The following ZNF514 variants were observed in gnomAD, a reference collection of about 807,000 sequenced individuals.
The protein encoded by ZNF514 is zinc finger protein 514.
A neutral mutation model predicts 9.7 loss-of-function variants in ZNF514; 12 were observed. The observed-to-expected ratio is 1.24, with a 90% CI of 0.79 to 2.01. ZNF514 has a LOEUF of 2.01. Among genes scored for constraint, ZNF514 ranks in the 30% most tolerant of loss-of-function variants. The probability of loss-of-function intolerance (pLI) is 0.00; values close to 1 mark genes in which losing one functional copy is unlikely to be tolerated. For synonymous variants in ZNF514, 158 were observed against 163.7 expected, an observed-to-expected ratio of 0.97 and a Z score of 0.27; for missense variants, 467 against 465.5, an observed-to-expected ratio of 1.00 and a Z score of -0.03.
At chr2:95,153,511 T>C (rs1357514164) in intron 2 of ZNF514, 3 of 305,718 alleles carry the variant, frequency 9.8e-6, no homozygotes, top group African/African-American at 6.4e-5. Flanking sequence ...AGTTTTCTAA[T>C]AAAGTATTTT....
rs34282100 is a variant in ZNF514, at chr2:95,150,272, TAA to T, written c.218-7_218-6del. 7.5e-3 allele frequency: 9,897 copies of T among 1,317,952 alleles called. No homozygotes were observed. The highest frequency in any genetic ancestry group is 0.016 in the South Asian group (933 of 58,660). 81.6% of individuals were successfully genotyped at this position (1,317,952 alleles called of 1,614,324 possible). On this transcript the variant is annotated splice_region_variant and splice_polypyrimidine_tract_variant and intron_variant, in intron 4 of 4. Transcript: ENST00000295208. ...ATTTAGACCTTCTCTTCCAGTCTGT[TAA>T]AAAAAAAAAAAAAAAAAGAAGACAT...
chr2:95,159,280 AGCTC>A lies in ZNF514; in HGVS notation c.-140_-137del. The A allele has an allele frequency of 6.2e-6, 1 of 161,128 alleles. No individual in the cohort carries two copies. The highest frequency in any genetic ancestry group is 1.4e-5 in the Non-Finnish European group (1 of 73,992). The allele number at this position is 161,128 out of a possible 1,614,324, so 10.0% of individuals were successfully genotyped here. A position where few individuals can be genotyped will look rare whatever the true frequency, so the allele number is the denominator to read the frequency against. ...TCCTCAGGACCAGGCTCTGGAACCC[AGCTC>A]CCACGTGGATCCACACGCACAGTGG... On this transcript the variant is annotated 5_prime_UTR_variant, in exon 1 of 5. Transcript: ENST00000295208.
chr2:95,158,523 C>T (rs1485162173), intron 1 of ZNF514, among the ~76,000 whole-genome samples: 1 of 152,202 alleles, frequency 6.6e-6, no homozygotes, highest in Admixed American at 6.5e-5. Context: ...CACTGCTGAC[C>T]TTATACACCG....
chr2:95,128,088 A>C, the ZNF514 span, among the ~76,000 whole-genome samples: 1 of 152,100 alleles, frequency 6.6e-6, no homozygotes, highest in African/African-American at 2.4e-5. Context: ...CCTCTACAAA[A>C]AGTTTTTAAA....
At position 95,150,114 on chromosome 2, in the gene ZNF514, T is replaced by G. The variant is rs771606629; in HGVS notation, c.371A>C (p.Glu124Ala). 3.7e-6 allele frequency: 6 copies of G among 1,612,284 alleles called. No homozygotes were observed. The highest frequency in any genetic ancestry group is 5.1e-6 in the Non-Finnish European group (6 of 1,180,004). ...KAACGCDGQLEMQQIKQERHL... is the reference protein window; with the variant it reads ...KAACGCDGQLAMQQIKQERHL... The stretch of plus-strand genomic sequence containing the variant: ...TCTCTCCTGTTTTATCTGCTGCATC[T>G]CTAACTGGCCATCACAACCGCAGGC... The change falls in exon 5 of 5, where the codon GAG (glutamate) becomes GCG (alanine). Residue 124 changes from glutamate to alanine, a missense_variant. By Grantham distance (107) the Glu-to-Ala change is moderately radical. Coordinates refer to ENST00000295208, the MANE Select transcript of ZNF514 (RefSeq NM_032788.3).
chr2:95,140,188 C>T (rs755839025), downstream of ZNF514, among the ~76,000 whole-genome samples: 2 of 152,046 alleles, frequency 1.3e-5, no homozygotes, highest in Non-Finnish European at 2.9e-5. Context: ...ATGTAAATGA[C>T]GAGTTGATGG....
intron 4 of ZNF514, among the ~76,000 whole-genome samples, chr2:95,152,287 G>GTT (rs1312670808): frequency 6.6e-6 from 1 of 151,978 alleles, no homozygotes; most frequent in African/African-American, 2.4e-5. Flanking sequence ...GTCCTTGCCT[G>GTT]TAACCCCTTC....
intron 3 of ZNF514, 118 bp downstream of exon 3, chr2:95,153,015 A>G: frequency 7.4e-7 from 1 of 1,355,084 alleles, no homozygotes; most frequent in Non-Finnish European, 1.0e-6. Flanking sequence ...GTCTGATTCC[A>G]GACTTCCCAA....
At position 95,149,773 on chromosome 2, in the gene ZNF514, C is replaced by T. The variant is rs775897508; in HGVS notation, c.712G>A (p.Gly238Arg). 1 of 1,614,220 alleles carries T rather than the reference C, an allele frequency of 6.2e-7. No homozygotes were observed. Among genetic ancestry groups the T allele is most frequent in the African/African-American group, 1.3e-5 (1 of 75,052 alleles). ...GATGAAATATGACCAAAGGCTCTTC[C>T]ACAGTCACTGCATTCATACGGCTTT... is the stretch of plus-strand genomic sequence containing the variant. ...GEKPYECSDC[G>R]RAFGHISSLI... The change falls in exon 5 of 5, where the codon GGA becomes AGA. Residue 238 changes from glycine (G) to arginine (R), a missense_variant. Coordinates refer to ENST00000295208, the MANE Select transcript of ZNF514 (RefSeq NM_032788.3).
the ZNF514 span, among the ~76,000 whole-genome samples, chr2:95,126,459 T>G: frequency 1.3e-5 from 2 of 150,880 alleles, no homozygotes; most frequent in South Asian, 2.1e-4. Flanking sequence ...AAAGTGGCCA[T>G]TCCATTTTAT....
At chr2:95,159,092 G>T (rs1673766232) in intron 1 of ZNF514, 148 bp downstream of exon 1, 9 of 1,118,100 alleles carry the variant, frequency 8.0e-6, no homozygotes, top group Non-Finnish European at 1.0e-5. Context: ...GGCTGGGGCT[G>T]CCTGGGGGAC....
At position 95,149,218 on chromosome 2, in the gene ZNF514, A is replaced by G. The variant is rs1673447242; in HGVS notation, c.*64T>C. The G allele has an allele frequency of 6.6e-7, 1 of 1,505,292 alleles. No individual in the cohort carries two copies. The highest frequency in any genetic ancestry group is 1.4e-5 in the African/African-American group (1 of 71,434). 93.2% of individuals were successfully genotyped at this position (1,505,292 alleles called of 1,614,324 possible). A position where few individuals can be genotyped will look rare whatever the true frequency, so the allele number is the denominator to read the frequency against. On this transcript the variant is annotated 3_prime_UTR_variant, in exon 5 of 5. Coordinates refer to ENST00000295208, the MANE Select transcript of ZNF514 (RefSeq NM_032788.3). ...TACACCTTTAGGATCTCTCTCTGATATGAATTCTTTAAGTTCCAGTGATGT... is the reference window on the plus strand; with the variant it reads ...TACACCTTTAGGATCTCTCTCTGATGTGAATTCTTTAAGTTCCAGTGATGT...
Position 95,149,968 on chromosome 2 carries a change from G to A in ZNF514, c.517C>T (p.Leu173Phe). The A allele has an allele frequency of 6.2e-7, 1 of 1,614,208 alleles. No individual in the cohort carries two copies. Among genetic ancestry groups the A allele is most frequent in the South Asian group, 1.1e-5 (1 of 91,078 alleles). Reference sequence around the variant, plus strand: ...CATTTATAAGATCCTTCTCCCATGAGAATGCTGTGTTGGTTAACAAGGACT... The same window carrying A: ...CATTTATAAGATCCTTCTCCCATGAAAATGCTGTGTTGGTTAACAAGGACT... Reference protein sequence around the residue: ...RSVLVNQHSILMGEGSYKCDT... With the variant: ...RSVLVNQHSIFMGEGSYKCDT... Residue 173 changes from leucine to phenylalanine, a missense_variant, in exon 5 of 5, where the codon CTC becomes TTC. Transcript: ENST00000295208.
rs1558700315 is a variant in ZNF514 at position 95,149,834 on chromosome 2, T to C, written c.651A>G (p.Ser217=). The change falls in exon 5 of 5, where the codon TCA becomes TCG. Residue 217 remains serine, a synonymous_variant. Coordinates refer to ENST00000295208, the MANE Select transcript of ZNF514 (RefSeq NM_032788.3). ...GACATCGCTGATGGCGCCTAAGTTC[T>C]GACTGGAAGTGAAAGGACTTCCCAC... ...NECGKSFHFQ[S]ELRRHQRCHT... The C allele has an allele frequency of 6.2e-7, 1 of 1,614,262 alleles. No homozygotes were observed.
chr2:95,142,365 A>C (rs556696127), downstream of ZNF514, among the ~76,000 whole-genome samples: 11 of 152,334 alleles, frequency 7.2e-5, no homozygotes, highest in Middle Eastern at 3.4e-3. Flanking sequence ...AAAAGAACCA[A>C]TTATGATAGT....
At chr2:95,130,823 G>A in the ZNF514 span, among the ~76,000 whole-genome samples, 1 of 152,118 alleles carries the variant, frequency 6.6e-6, no homozygotes, top group African/African-American at 2.4e-5. Context: ...CAGGGTCCTG[G>A]AACGATATAC....
Position 95,149,341 on chromosome 2 carries a change from C to T in ZNF514, c.1144G>A (p.Ala382Thr). ...YKCNECGRAF[A>T]HTASLIKHQR... is the part of the protein sequence containing the mutation. ...TGTTTAATAAGGGATGCAGTATGAG[C>T]AAAGGCCCTTCCACACTCATTACAT... The change falls in exon 5 of 5, where the codon GCT becomes ACT. Residue 382 changes from alanine (A) to threonine (T), a missense_variant. Physicochemically the swap from Ala to Thr is moderately conservative, Grantham distance 58 (BLOSUM62 0). Transcript: ENST00000295208. 1 of 1,611,878 alleles carries T rather than the reference C, an allele frequency of 6.2e-7. No homozygotes were observed. The highest frequency in any genetic ancestry group is 8.5e-7 in the Non-Finnish European group (1 of 1,178,440).
rs199514092 is a variant in ZNF514 at position 95,149,988 on chromosome 2, A to G, written c.497T>C (p.Leu166Pro). The G allele has an allele frequency of 2.7e-4, 431 of 1,614,210 alleles. 1 individual carries two copies. In the Middle Eastern group the frequency reaches 4.6e-3, roughly 17 times the overall value. The change falls in exon 5 of 5, where the codon CTT becomes CCT. Residue 166 changes from leucine to proline, a missense_variant. Physicochemically the swap from Leu to Pro is moderately conservative, Grantham distance 98 (BLOSUM62 -3). Coordinates refer to ENST00000295208, the MANE Select transcript of ZNF514 (RefSeq NM_032788.3). The stretch of plus-strand genomic sequence containing the variant: ...CATGAGAATGCTGTGTTGGTTAACA[A>G]GGACTGATCTTAAACCTAAGCTTCT... Reference protein sequence around the residue: ...FGRSLGLRSVLVNQHSILMGE... With the variant: ...FGRSLGLRSVPVNQHSILMGE...
intron 4 of ZNF514, among the ~76,000 whole-genome samples, chr2:95,151,151 A>G (rs1256723305): frequency 6.6e-6 from 1 of 152,196 alleles, no homozygotes; most frequent in Non-Finnish European, 1.5e-5. Flanking sequence ...GTTACCTTAT[A>G]TGACAAAAGG....
Sources: allele counts gnomAD v4.1 joint callset (sites outside exome capture counted in the v4.1 genomes callset), GRCh38; gene constraint gnomAD v4.1.1; transcripts MANE v1.5; gene names NCBI Gene and HGNC (gene_info 2026-07-23, HGNC 2026-07-21).